Variants in TUB observed in about 807,000 individuals in gnomAD.
The protein encoded by TUB is tubby protein homolog.
TUB carries 33 observed loss-of-function variants against 59.7 expected under a neutral mutation model. That is an observed-to-expected ratio of 0.55 (90% CI 0.42 to 0.74). TUB has a LOEUF of 0.74. Among genes scored for constraint, TUB ranks in the 30% least tolerant of loss-of-function variants. The probability of loss-of-function intolerance (pLI) is 0.00; values close to 1 mark genes in which losing one functional copy is unlikely to be tolerated. For missense variants in TUB, 659 were observed against 672.0 expected, an observed-to-expected ratio of 0.98 and a Z score of 0.21; for synonymous variants, 293 against 256.4, an observed-to-expected ratio of 1.14 and a Z score of -1.36.
intron 2 of TUB, among the ~76,000 whole-genome samples, chr11:8,054,445 G>A (rs1942983908): frequency 6.7e-6 from 1 of 150,134 alleles, no homozygotes; most frequent in South Asian, 2.1e-4. Flanking sequence ...GGCAAGGGCT[G>A]GAGAGAGAGA....
chr11:8,091,538 C>T (rs2133838462), intron 3 of TUB, among the ~76,000 whole-genome samples: 1 of 152,330 alleles, frequency 6.6e-6, no homozygotes, highest in South Asian at 2.1e-4. Flanking sequence ...TAGTGAGCAG[C>T]AGGGCTAGAA....
intron 2 of TUB, among the ~76,000 whole-genome samples, chr11:8,047,039 C>T (rs745502610): frequency 1.3e-5 from 2 of 152,338 alleles, no homozygotes; most frequent in Non-Finnish European, 2.9e-5. Context: ...CAAGCTTGCT[C>T]TAAAGCTTTA....
chr11:8,029,433 G>T (rs1440008471), intron 1 of TUB, among the ~76,000 whole-genome samples: 2 of 143,234 alleles, frequency 1.4e-5, no homozygotes, highest in African/African-American at 5.3e-5. Context: ...CTTTCTCCCA[G>T]GCTGGAGTGC....
At chr11:8,084,901 G>A (rs1419962164) in intron 1 of TUB, among the ~76,000 whole-genome samples, 3 of 152,148 alleles carry the variant, frequency 2.0e-5, no homozygotes, top group Admixed American at 6.5e-5. Flanking sequence ...CTAGTTCTCC[G>A]TGTGGATGCT....
chr11:8,076,218 G>A (rs7125354), upstream of TUB: 58,688 of 152,004 alleles, frequency 0.39, 14,722 homozygotes, highest in African/African-American at 0.71. Flanking sequence ...GCACAGGCTG[G>A]TCCTGAAGCA....
At chr11:8,099,088 G>C (rs77503115) in intron 9 of TUB, among the ~76,000 whole-genome samples, 3,919 of 151,986 alleles carry the variant, frequency 0.026, 65 homozygotes, top group African/African-American at 0.047. Flanking sequence ...CATCTGCTTG[G>C]GGAGCTCAGA....
chr11:8,063,577 G>T (rs1273310782), intron 2 of TUB, among the ~76,000 whole-genome samples: 1 of 152,116 alleles, frequency 6.6e-6, no homozygotes, highest in Admixed American at 6.5e-5. Flanking sequence ...GTGTTCACTC[G>T]ACCCAGTTTG....
chr11:8,054,491 T>G (rs558099224), intron 2 of TUB, among the ~76,000 whole-genome samples: 1 of 151,200 alleles, frequency 6.6e-6, no homozygotes, highest in South Asian at 2.1e-4. Context: ...CAAGTGGGAG[T>G]AGGGAACAGT....
upstream of TUB, among the ~76,000 whole-genome samples, chr11:8,078,446 A>C (rs952321172): frequency 2.6e-5 from 4 of 152,110 alleles, no homozygotes; most frequent in Non-Finnish European, 4.4e-5. Context: ...GTGCAGTTGT[A>C]AAAATATAAC....
chr11:8,104,321 C>G lies in TUB; in HGVS notation c.*2702C>G, dbSNP rs1446946558. ...GCCACACCCCAAAACTCTACACCCTCTGCCCCAGAACAATTCTGCAGAGTG... is the reference window on the plus strand; with the variant it reads ...GCCACACCCCAAAACTCTACACCCTGTGCCCCAGAACAATTCTGCAGAGTG... On this transcript the variant is annotated 3_prime_UTR_variant, in exon 12 of 12. Coordinates refer to ENST00000299506, the MANE Select transcript of TUB (RefSeq NM_177972.3). The G allele has an allele frequency of 3.9e-5, 6 of 152,234 alleles. No homozygotes were observed. The highest frequency in any genetic ancestry group is 6.5e-5 in the Admixed American group (1 of 15,290). 9.4% of individuals were successfully genotyped at this position (152,234 alleles called of 1,614,324 possible).
At chr11:8,041,645 GT>G (rs1215562446) in intron 2 of TUB, among the ~76,000 whole-genome samples, 3 of 152,094 alleles carry the variant, frequency 2.0e-5, no homozygotes, top group African/African-American at 7.2e-5. Flanking sequence ...CACCATGTCT[GT>G]TCATAGAGAC....
At chr11:8,069,780 C>T (rs1282713876) in intron 2 of TUB, among the ~76,000 whole-genome samples, 1 of 152,080 alleles carries the variant, frequency 6.6e-6, no homozygotes, top group Non-Finnish European at 1.5e-5. Context: ...TCCCAGTCTG[C>T]CCTAATCATG....
intron 4 of TUB, among the ~76,000 whole-genome samples, chr11:8,094,931 G>A (rs1943919737): frequency 6.6e-6 from 1 of 152,248 alleles, no homozygotes; most frequent in Admixed American, 6.5e-5. Context: ...GTCAGGCCTT[G>A]CTTCTGTTGC....
rs1944308800 is a variant in TUB, at chr11:8,101,592, C to T, written c.1494C>T (p.Ser498=). The change falls in exon 12 of 12, where the codon AGC becomes AGT. Residue 498 remains serine (S), a synonymous_variant. Transcript: ENST00000299506. ...ALQAFAIALS[S]FDSKLACE ...AGGCCTTTGCCATTGCCCTGTCCAG[C>T]TTCGACAGCAAGCTGGCGTGCGAGT... 1 of 1,614,122 alleles carries T rather than the reference C, an allele frequency of 6.2e-7. No individual in the cohort carries two copies. Among genetic ancestry groups the T allele is most frequent in the Admixed American group, 1.7e-5 (1 of 60,010 alleles).
chr11:8,042,640 T>A (rs989561898), intron 2 of TUB, among the ~76,000 whole-genome samples: 1 of 152,232 alleles, frequency 6.6e-6, no homozygotes, highest in African/African-American at 2.4e-5. Flanking sequence ...AGTATAGTCA[T>A]CCTAGTAAGT....
chr11:8,085,517 C>T (rs541446334), intron 1 of TUB, among the ~76,000 whole-genome samples: 1 of 152,198 alleles, frequency 6.6e-6, no homozygotes, highest in Non-Finnish European at 1.5e-5. Flanking sequence ...CTGGACTTGC[C>T]GGGGGTCCAG....
intron 1 of TUB, among the ~76,000 whole-genome samples, chr11:8,023,149 G>A (rs1942453911): frequency 6.6e-6 from 1 of 152,156 alleles, no homozygotes; most frequent in Non-Finnish European, 1.5e-5. Flanking sequence ...TCTCACTCAG[G>A]TTGGCACACA....
At chr11:8,043,309 C>A (rs1360753817) in intron 2 of TUB, among the ~76,000 whole-genome samples, 1 of 152,180 alleles carries the variant, frequency 6.6e-6, no homozygotes, top group African/African-American at 2.4e-5. Flanking sequence ...TATACCAGTA[C>A]CACATTACCT....
chr11:8,040,589 T>C lies in TUB; in HGVS notation c.203+897T>C, dbSNP rs115036136. Among the ~76,000 whole-genome samples, 423 of 152,312 alleles carry C rather than the reference T, an allele frequency of 2.8e-3. 2 individuals carry two copies. Among genetic ancestry groups the C allele is most frequent in the African/African-American group, 9.2e-3 (382 of 41,556 alleles). ...GCAGGGACCCCATTGCTCTCCTTTT[T>C]TACACATGGCCTCAAACCAGGTTGA... On this transcript the variant is annotated intron_variant, in intron 2 of 12. Coordinates refer to the TUB transcript ENST00000305253.
Sources: gnomAD v4.1 joint callset for allele counts (sites outside exome capture counted in the v4.1 genomes callset) on GRCh38, gnomAD v4.1.1 for gene constraint, MANE v1.5 for transcripts, NCBI Gene and HGNC (gene_info 2026-07-23, HGNC 2026-07-21) for gene names.